Variants in PHIP observed in about 807,000 individuals in gnomAD.
The protein encoded by PHIP is PHIP subunit of CUL4-Ring ligase complex, also known as PH-interacting protein.
In PHIP, 54 loss-of-function variants were observed where a neutral mutation model predicts 236.8. The observed-to-expected ratio is 0.23, with a 90% CI of 0.18 to 0.29. PHIP has a LOEUF of 0.29. Among genes scored for constraint, PHIP ranks in the 10% least tolerant of loss-of-function variants. PHIP has a pLI of 1.00. For synonymous variants in PHIP, 756 were observed against 718.9 expected, an observed-to-expected ratio of 1.05 and a Z score of -0.83; for missense variants, 1,370 against 2,190.8, an observed-to-expected ratio of 0.63 and a Z score of 7.48.
At chr6:79,077,591 G>C (rs1315496463) in intron 3 of PHIP, 84 bp from the exon 4 acceptor site, 2 of 909,536 alleles carry the variant, frequency 2.2e-6, no homozygotes, top group Non-Finnish European at 2.7e-6. Flanking sequence ...CGCCCCGGCG[G>C]GGACCCCGAG....
chr6:78,956,554 T>C (rs1766429648), intron 32 of PHIP: 1 of 152,130 alleles, frequency 6.6e-6, no homozygotes, highest in African/African-American at 2.4e-5. Context: ...AGAGCTTATA[T>C]TTTAGATTCA....
intron 7 of PHIP, among the ~76,000 whole-genome samples, chr6:79,039,166 C>T (rs1772086079): frequency 6.6e-6 from 1 of 150,850 alleles, no homozygotes. Flanking sequence ...CTAACCACAT[C>T]AATCATTAGC....
intron 31 of PHIP, among the ~76,000 whole-genome samples, chr6:78,959,755 T>A (rs1766654336): frequency 6.6e-6 from 1 of 152,144 alleles, no homozygotes; most frequent in South Asian, 2.1e-4. Context: ...ACTAGGGTAA[T>A]GCCAAAAGCC....
chr6:78,973,430 A>C (rs570714332), intron 24 of PHIP, among the ~76,000 whole-genome samples: 3,864 of 146,326 alleles, frequency 0.026, 70 homozygotes, highest in Middle Eastern at 0.062. Flanking sequence ...ATCATGCCAA[A>C]ATGTAAAGAC....
At chr6:79,029,423 T>C (rs1012277540) in intron 7 of PHIP, among the ~76,000 whole-genome samples, 14 of 148,592 alleles carry the variant, frequency 9.4e-5, no homozygotes, top group African/African-American at 3.3e-4. Context: ...GACTATACAA[T>C]ATACAAGTAC....
Position 78,966,109 on chromosome 6 carries a change from C to T in PHIP, c.3206-53G>A. 7 of 1,083,104 alleles carry T rather than the reference C, an allele frequency of 6.5e-6. No individual in the cohort carries two copies. In the South Asian group the frequency reaches 8.8e-5, roughly 14 times the overall value. The allele number at this position is 1,083,104 out of a possible 1,614,324, so 67.1% of individuals were successfully genotyped here. A position where few individuals can be genotyped will look rare whatever the true frequency, so the allele number is the denominator to read the frequency against. On this transcript the variant is annotated intron_variant, in intron 27 of 39. Transcript: ENST00000275034. ...ATTCTGAAATGCATGGCTGCTGTCA[C>T]TGCTTTTTCCTAACGTTAACCTTTA...
chr6:79,043,397 A>T (rs749963204), intron 6 of PHIP, among the ~76,000 whole-genome samples: 6 of 152,160 alleles, frequency 3.9e-5, no homozygotes, highest in Non-Finnish European at 7.4e-5. Context: ...TTAAAACTGG[A>T]ACCCAGTGTA....
chr6:78,974,468 T>A (rs971417717), intron 24 of PHIP, among the ~76,000 whole-genome samples: 5 of 151,320 alleles, frequency 3.3e-5, no homozygotes, highest in African/African-American at 9.7e-5. Context: ...TTAAAAGAAC[T>A]AGAAAAGCAA....
rs1181725047 is a variant in PHIP, at chr6:79,017,522, T to G, written c.1056A>C (p.Ser352=). 2 of 1,612,144 alleles carry G rather than the reference T, an allele frequency of 1.2e-6. No individual in the cohort carries two copies. Among genetic ancestry groups the G allele is most frequent in the South Asian group, 1.1e-5 (1 of 91,010 alleles). ...DHIIRVYFFG[S]GQPEKISELE... ...ATTCTGATATTTTCTCTGGCTGACC[T>G]GATCCAAAAAAATAAACCCGAATAA... Residue 352 remains serine, a synonymous_variant, in exon 11 of 40, where the codon TCA becomes TCC. Transcript: ENST00000275034.
chr6:78,955,398 G>A (rs1326561352), intron 33 of PHIP, 116 bp from the exon 34 acceptor site: 4 of 747,886 alleles, frequency 5.3e-6, no homozygotes, highest in Non-Finnish European at 4.3e-6. Context: ...TGTATATGCT[G>A]GGGCACTTTA....
intron 3 of PHIP, 35 bp from the exon 4 acceptor site, chr6:79,077,542 C>T: frequency 2.9e-6 from 4 of 1,377,342 alleles, no homozygotes; most frequent in Non-Finnish European, 3.8e-6. Flanking sequence ...GCCCGGCCCC[C>T]GGCCCCTACC....
intron 6 of PHIP, among the ~76,000 whole-genome samples, chr6:79,059,997 G>C (rs6917206): frequency 0.021 from 3,177 of 151,914 alleles, 113 homozygotes; most frequent in African/African-American, 0.072. Context: ...ATTAATCCGG[G>C]TAAGGCAAGG....
chr6:78,940,548 GTTTTTTTTTTTT>G lies in PHIP; in HGVS notation c.*133_*144del, dbSNP rs36155238. 2.1e-4 allele frequency: 17 copies of G among 82,720 alleles called. 1 individual carries two copies. Among genetic ancestry groups the G allele is most frequent in the Middle Eastern group, 0.012 (1 of 82 alleles). The allele number at this position is 82,720 out of a possible 1,614,324, so 5.1% of individuals were successfully genotyped here. On this transcript the variant is annotated 3_prime_UTR_variant, in exon 40 of 40. Coordinates refer to ENST00000275034, the MANE Select transcript of PHIP (RefSeq NM_017934.7). ...AAGAAGTGAAGTGTCTCGTAAGTTT[GTTTTTTTTTTTT>G]TTTTTTTTTTTGCAAATCAAATCAT...
chr6:79,066,281 G>A (rs542854350), intron 4 of PHIP, among the ~76,000 whole-genome samples: 6 of 152,228 alleles, frequency 3.9e-5, no homozygotes, highest in African/African-American at 1.4e-4. Flanking sequence ...CATATTGGCT[G>A]CACACTGAAT....
Position 78,941,196 on chromosome 6 carries a change from T to G in PHIP, c.4963A>C (p.Ile1655Leu). ...VEVNTNSGEI[I>L]HKKRGRKPKK... ...GGCTTTCTACCCCTTTTCTTGTGTA[T>G]AATTTCACCACTATTGGTATTAACT... Residue 1655 changes from isoleucine to leucine, a missense_variant, in exon 40 of 40, where the codon ATA becomes CTA. By Grantham distance (5) the Ile-to-Leu change is conservative (BLOSUM62 2). Coordinates refer to ENST00000275034, the MANE Select transcript of PHIP (RefSeq NM_017934.7). 3 of 1,614,062 alleles carry G rather than the reference T, an allele frequency of 1.9e-6. No homozygotes were observed. Among genetic ancestry groups the G allele is most frequent in the Non-Finnish European group, 2.5e-6 (3 of 1,179,950 alleles).
chr6:79,019,111 C>G lies in PHIP; in HGVS notation c.972G>C (p.Met324Ile). 6.2e-7 allele frequency: 1 copy of G among 1,612,668 alleles called. No individual in the cohort carries two copies. Among genetic ancestry groups the G allele is most frequent in the Admixed American group, 1.7e-5 (1 of 59,984 alleles). ...TACCAGCACTAAAAGAAGAACAGAT[C>G]ATTTGAACTCCAGGCCGAGGGCGCT... The part of the protein sequence containing the change: ...FTERPRPGVQ[M>I]ICSSFSAGGM... Residue 324 changes from methionine to isoleucine, a missense_variant, in exon 10 of 40, where the codon ATG becomes ATC. Transcript: ENST00000275034.
In PHIP at chr6:79,078,212, CGGAGGAGGA is replaced by C. The variant is rs989201895; in HGVS notation, c.-153_-145del. 33 of 728,430 alleles carry C rather than the reference CGGAGGAGGA, an allele frequency of 4.5e-5. No individual in the cohort carries two copies. The highest frequency in any genetic ancestry group is 3.7e-4 in the South Asian group (21 of 56,260). The allele number at this position is 728,430 out of a possible 1,614,324, so 45.1% of individuals were successfully genotyped here. ...ACCATTCAAGCAACGGCGGCGGAGGCGGAGGAGGAGGAGGAGGAAACAACAACTCTCAGG... is the reference window on the plus strand; with the variant it reads ...ACCATTCAAGCAACGGCGGCGGAGGCGGAGGAGGAAACAACAACTCTCAGG... On this transcript the variant is annotated 5_prime_UTR_variant, in exon 1 of 40. Coordinates refer to ENST00000275034, the MANE Select transcript of PHIP (RefSeq NM_017934.7).
chr6:79,032,433 CAACT>C (rs1443315559), intron 7 of PHIP, among the ~76,000 whole-genome samples: 1 of 152,186 alleles, frequency 6.6e-6, no homozygotes, highest in Non-Finnish European at 1.5e-5. Flanking sequence ...ACTGCTTTAC[CAACT>C]GAGTTCATGT....
At chr6:79,018,121 G>A (rs934542838) in intron 10 of PHIP, among the ~76,000 whole-genome samples, 1 of 151,818 alleles carries the variant, frequency 6.6e-6, no homozygotes, top group Non-Finnish European at 1.5e-5. Context: ...CTCTTCCACA[G>A]TATTGAAAAC....
Sources: gnomAD v4.1 joint callset for allele counts (sites outside exome capture counted in the v4.1 genomes callset) on GRCh38, gnomAD v4.1.1 for gene constraint, MANE v1.5 for transcripts, NCBI Gene and HGNC (gene_info 2026-07-23, HGNC 2026-07-21) for gene names.